The following LOC400499 variants were observed in gnomAD, a reference collection of about 807,000 sequenced individuals.
the LOC400499 span, chr16:11,385,417 C>G: frequency 8.9e-6 from 11 of 1,232,288 alleles, no homozygotes; most frequent in Non-Finnish European, 1.0e-5. Flanking sequence ...AGGGCATGGT[C>G]TGGGTAGAAG....
chr16:11,404,180 C>T, the LOC400499 span, among the ~76,000 whole-genome samples: 1 of 152,190 alleles, frequency 6.6e-6, no homozygotes, highest in Non-Finnish European at 1.5e-5. Context: ...CCACAAAGAC[C>T]CTGCTTGCTC....
the LOC400499 span, among the ~76,000 whole-genome samples, chr16:11,438,418 G>A: frequency 5.9e-5 from 9 of 151,896 alleles, no homozygotes; most frequent in African/African-American, 1.9e-4. Flanking sequence ...AGCCATTCTC[G>A]GGCTCCATTC....
the LOC400499 span, among the ~76,000 whole-genome samples, chr16:11,509,535 A>G: frequency 6.6e-6 from 1 of 151,628 alleles, no homozygotes; most frequent in Non-Finnish European, 1.5e-5. Flanking sequence ...CAAAAATAAA[A>G]ATAGACCACT....
the LOC400499 span, among the ~76,000 whole-genome samples, chr16:11,417,255 C>G: frequency 6.6e-6 from 1 of 152,116 alleles, no homozygotes; most frequent in African/African-American, 2.4e-5. Context: ...GAGACAGGGT[C>G]TCATTCTGTC....
the LOC400499 span, among the ~76,000 whole-genome samples, chr16:11,466,778 A>G: frequency 2.6e-5 from 4 of 152,240 alleles, no homozygotes; most frequent in African/African-American, 7.2e-5. Flanking sequence ...ACTTTGAATC[A>G]TTTAAATGTA....
chr16:11,383,982 C>T, the LOC400499 span: 9 of 1,231,732 alleles, frequency 7.3e-6, no homozygotes, highest in Admixed American at 3.4e-4. Context: ...GCTGAGGCTT[C>T]TCAGTGGCCC....
the LOC400499 span, chr16:11,391,552 G>A: frequency 3.3e-6 from 3 of 908,692 alleles, no homozygotes; most frequent in Non-Finnish European, 2.9e-6. Context: ...GGGAAGCGAG[G>A]CCACATTTCT....
At chr16:11,434,173 T>A in the LOC400499 span, among the ~76,000 whole-genome samples, 1 of 152,140 alleles carries the variant, frequency 6.6e-6, no homozygotes, top group Non-Finnish European at 1.5e-5. Flanking sequence ...AGAACCTAGG[T>A]TCTTCCACCG....
the LOC400499 span, among the ~76,000 whole-genome samples, chr16:11,374,720 A>C: frequency 2.6e-5 from 4 of 152,196 alleles, no homozygotes; most frequent in African/African-American, 9.6e-5. Flanking sequence ...TTTATCTGTC[A>C]GTGGACACTT....
the LOC400499 span, chr16:11,457,171 C>T: frequency 1.9e-5 from 16 of 835,438 alleles, no homozygotes; most frequent in Admixed American, 1.3e-4. Flanking sequence ...GGGAGTGGAA[C>T]GCAGTCCAAA....
At chr16:11,398,439 C>G in the LOC400499 span, 7 of 1,232,184 alleles carry the variant, frequency 5.7e-6, no homozygotes, top group Non-Finnish European at 6.1e-6. Context: ...CTGACGGGTA[C>G]AAGAGGCCCC....
chr16:11,390,852 A>T, the LOC400499 span, among the ~76,000 whole-genome samples: 1 of 152,168 alleles, frequency 6.6e-6, no homozygotes, highest in Admixed American at 6.5e-5. Flanking sequence ...CCCCCAATAA[A>T]AACCCTGGGT....
At chr16:11,414,268 G>T in the LOC400499 span, 2 of 399,046 alleles carry the variant, frequency 5.0e-6, no homozygotes, top group East Asian at 7.1e-5. Context: ...TGCACACAGC[G>T]GGTCCTCTGC....
the LOC400499 span, chr16:11,385,532 A>T: frequency 1.6e-6 from 1 of 639,602 alleles, no homozygotes; most frequent in Non-Finnish European, 2.2e-6. Context: ...GCCTGCCCTG[A>T]GGCCTGGATT....
At chr16:11,464,250 A>G in the LOC400499 span, among the ~76,000 whole-genome samples, 1 of 152,210 alleles carries the variant, frequency 6.6e-6, no homozygotes, top group African/African-American at 2.4e-5. Flanking sequence ...TTTTACAGAA[A>G]CAGATGCTCG....
At chr16:11,491,436 G>C in the LOC400499 span, among the ~76,000 whole-genome samples, 1 of 152,144 alleles carries the variant, frequency 6.6e-6, no homozygotes, top group South Asian at 2.1e-4. Context: ...TTTTACAGAT[G>C]AGGAAACTGA....
chr16:11,465,784 GAA>G, the LOC400499 span, among the ~76,000 whole-genome samples: 2 of 131,444 alleles, frequency 1.5e-5, no homozygotes, highest in Non-Finnish European at 3.1e-5. Flanking sequence ...GGCAGAGAGG[GAA>G]AAGAGAGAGG....
At chr16:11,415,764 G>T in the LOC400499 span, among the ~76,000 whole-genome samples, 2 of 152,100 alleles carry the variant, frequency 1.3e-5, no homozygotes, top group African/African-American at 2.4e-5. Context: ...GCCATACCAG[G>T]CATCCTGGGT....
chr16:11,403,524 G>A, the LOC400499 span, among the ~76,000 whole-genome samples: 2 of 152,136 alleles, frequency 1.3e-5, no homozygotes, highest in African/African-American at 4.8e-5. Context: ...CACTGCCTTG[G>A]CTTGCTGGGG....
Sources: gnomAD v4.1 joint callset for allele counts (sites outside exome capture counted in the v4.1 genomes callset) on GRCh38, gnomAD v4.1.1 for gene constraint, MANE v1.5 for transcripts.